Variants in RANBP2 observed in about 807,000 individuals in gnomAD.
RANBP2 encodes RAN binding protein 2.
Under a neutral mutation model 303.6 loss-of-function variants are expected in RANBP2, and 57 were observed. The observed-to-expected ratio is 0.19, with a 90% CI of 0.15 to 0.23. The LOEUF is 0.23. Among genes scored for constraint, RANBP2 ranks in the 10% least tolerant of loss-of-function variants. The pLI is 1.00. For synonymous variants in RANBP2, 1,167 were observed against 1,301.5 expected (o/e 0.90, Z 2.23); for missense variants, 3,138 against 3,780.8 (o/e 0.83, Z 4.46).
chr2:109,375,545 T>C, the RANBP2 span, among the ~76,000 whole-genome samples: 1 of 152,220 alleles, frequency 6.6e-6, no homozygotes, highest in Admixed American at 6.5e-5. Flanking sequence ...TCTGGGTCTT[T>C]AGCCCTTGAG....
chr2:108,827,039 A>G, the RANBP2 span, among the ~76,000 whole-genome samples: 1 of 152,090 alleles, frequency 6.6e-6, no homozygotes, highest in Non-Finnish European at 1.5e-5. Context: ...TCATTTTTGG[A>G]TTGTACATTA....
chr2:109,553,569 G>A, the RANBP2 span, among the ~76,000 whole-genome samples: 3 of 138,188 alleles, frequency 2.2e-5, no homozygotes, highest in South Asian at 2.3e-4. Context: ...AGTGATATAA[G>A]TGGCCTGGCC....
At chr2:109,116,900 A>C in the RANBP2 span, among the ~76,000 whole-genome samples, 3 of 152,254 alleles carry the variant, frequency 2.0e-5, no homozygotes, top group Non-Finnish European at 2.9e-5. Flanking sequence ...GGTCCACTCC[A>C]GACCCTGTTT....
At chr2:108,917,460 A>AT in the RANBP2 span, among the ~76,000 whole-genome samples, 1 of 152,334 alleles carries the variant, frequency 6.6e-6, no homozygotes, top group South Asian at 2.1e-4. Context: ...CATGGATATC[A>AT]TAATTACCCT....
chr2:109,702,124 G>A, the RANBP2 span, among the ~76,000 whole-genome samples: 1 of 152,368 alleles, frequency 6.6e-6, no homozygotes, highest in Admixed American at 6.5e-5. Context: ...GATGTGGCAA[G>A]CTGGCCACCC....
chr2:108,747,608 C>G (rs933086550), intron 8 of RANBP2, among the ~76,000 whole-genome samples: 35 of 152,120 alleles, frequency 2.3e-4, no homozygotes, highest in Admixed American at 1.8e-3. Context: ...TCTACCCTTG[C>G]AGGGCTCTCA....
chr2:109,326,362 T>C, the RANBP2 span, among the ~76,000 whole-genome samples: 130 of 152,314 alleles, frequency 8.5e-4, no homozygotes, highest in African/African-American at 3.0e-3. Context: ...TGTTGTTCTT[T>C]TTTTTTAATG....
At chr2:109,193,375 G>C in the RANBP2 span, among the ~76,000 whole-genome samples, 1 of 152,192 alleles carries the variant, frequency 6.6e-6, no homozygotes, top group Admixed American at 6.5e-5. Context: ...ATAATGTGTA[G>C]CCATCGCCAC....
At chr2:109,634,076 C>A in the RANBP2 span, among the ~76,000 whole-genome samples, 1 of 135,354 alleles carries the variant, frequency 7.4e-6, no homozygotes. Flanking sequence ...GCCGAGGTCG[C>A]GCCACTGCAC....
chr2:109,279,617 C>T, the RANBP2 span, among the ~76,000 whole-genome samples: 1 of 152,214 alleles, frequency 6.6e-6, no homozygotes, highest in Non-Finnish European at 1.5e-5. Flanking sequence ...CCTTTCTTCC[C>T]CACCCCTTCA....
At chr2:108,960,195 A>T in the RANBP2 span, among the ~76,000 whole-genome samples, 1 of 150,792 alleles carries the variant, frequency 6.6e-6, no homozygotes, top group Non-Finnish European at 1.5e-5. Flanking sequence ...GGCAACCACC[A>T]GTTCTCCCCG....
the RANBP2 span, among the ~76,000 whole-genome samples, chr2:109,488,000 CAG>C: frequency 1.3e-5 from 2 of 152,216 alleles, no homozygotes; most frequent in African/African-American, 4.8e-5. Flanking sequence ...GAAGAGGAAA[CAG>C]AAGTGGGCAG....
At chr2:109,165,749 ATCCT>A in the RANBP2 span, among the ~76,000 whole-genome samples, 1 of 152,050 alleles carries the variant, frequency 6.6e-6, no homozygotes, top group African/African-American at 2.4e-5. Flanking sequence ...CCCCACTCAG[ATCCT>A]TCTTTTTTTT....
At chr2:109,209,983 GC>G in the RANBP2 span, among the ~76,000 whole-genome samples, 13 of 152,030 alleles carry the variant, frequency 8.6e-5, no homozygotes, top group Admixed American at 6.6e-5. Context: ...TCCACGCTCA[GC>G]CCCCCCAGTA....
At chr2:109,063,777 A>C in the RANBP2 span, among the ~76,000 whole-genome samples, 1 of 151,732 alleles carries the variant, frequency 6.6e-6, no homozygotes, top group African/African-American at 2.4e-5. Flanking sequence ...CAGCCTGGCC[A>C]AAAGGGGTAA....
At chr2:109,407,865 T>C in the RANBP2 span, among the ~76,000 whole-genome samples, 1 of 152,192 alleles carries the variant, frequency 6.6e-6, no homozygotes, top group Non-Finnish European at 1.5e-5. Flanking sequence ...GAGGACACCG[T>C]GGCTGCCTGT....
At chr2:108,853,878 A>AATTAT in the RANBP2 span, among the ~76,000 whole-genome samples, 68 of 124,846 alleles carry the variant, frequency 5.4e-4, 1 homozygote, top group African/African-American at 2.1e-3. Flanking sequence ...TATACTATAT[A>AATTAT]ATATATTATA....
At chr2:109,564,126 T>C in the RANBP2 span, 2 of 376,682 alleles carry the variant, frequency 5.3e-6, no homozygotes, top group Non-Finnish European at 9.4e-6. Flanking sequence ...GCCTCTGCCA[T>C]ACATTCTTCA....
chr2:108,936,841 C>A, the RANBP2 span, among the ~76,000 whole-genome samples: 4 of 152,340 alleles, frequency 2.6e-5, no homozygotes, highest in African/African-American at 9.6e-5. Context: ...AGGAGGAAAG[C>A]AGAGAAGGTA....
Sources: gnomAD v4.1 joint callset for allele counts (sites outside exome capture counted in the v4.1 genomes callset) on GRCh38, gnomAD v4.1.1 for gene constraint, MANE v1.5 for transcripts, NCBI Gene and HGNC (gene_info 2026-07-23, HGNC 2026-07-21) for gene names.